STIM2: variants seen among roughly 807,000 people sequenced by gnomAD.
STIM2 encodes stromal interaction molecule 2.
In STIM2, 31 loss-of-function variants were observed where a neutral mutation model predicts 85.8. The ratio of observed to expected loss-of-function variants is 0.36; its 90% CI spans 0.27 to 0.49. The LOEUF (loss-of-function observed/expected upper bound fraction) is 0.49, where lower values mean the gene tolerates loss of function less well. STIM2 is among the 20% of genes least tolerant of loss of function. STIM2 has a pLI of 0.98. For synonymous variants in STIM2, 356 were observed against 331.1 expected, an observed-to-expected ratio of 1.08 and a Z score of -0.82; for missense variants, 841 against 927.6, an observed-to-expected ratio of 0.91 and a Z score of 1.21.
chr4:27,016,034 T>TTA (rs1728721477), intron 10 of STIM2, among the ~76,000 whole-genome samples: 1 of 152,108 alleles, frequency 6.6e-6, no homozygotes, highest in African/African-American at 2.4e-5. Context: ...TATGCTGCAT[T>TTA]TAGAGACATT....
intron 3 of STIM2, among the ~76,000 whole-genome samples, chr4:26,960,110 C>T (rs1050038738): frequency 6.6e-6 from 1 of 152,172 alleles, no homozygotes; most frequent in African/African-American, 2.4e-5. Context: ...AACATTCAGG[C>T]TCCAGGAGGA....
At chr4:27,009,080 A>G (rs1728472155) in intron 10 of STIM2, 78 bp downstream of exon 10, 4 of 1,269,014 alleles carry the variant, frequency 3.2e-6, no homozygotes, top group Non-Finnish European at 4.4e-6. Context: ...GGAATCATGT[A>G]CTTCGAAATC....
intron 1 of STIM2, among the ~76,000 whole-genome samples, chr4:26,903,128 A>G (rs146463230): frequency 2.0e-5 from 3 of 152,200 alleles, no homozygotes; most frequent in African/African-American, 7.2e-5. Context: ...CTTGTAAAAA[A>G]GTTTTTTTTG....
chr4:26,880,048 C>T (rs1331135378), intron 1 of STIM2, among the ~76,000 whole-genome samples: 3 of 152,176 alleles, frequency 2.0e-5, no homozygotes, highest in Non-Finnish European at 4.4e-5. Context: ...AATTTTCTCC[C>T]CCCGCTTTAG....
At chr4:26,950,726 A>G (rs958392558) in intron 2 of STIM2, among the ~76,000 whole-genome samples, 1 of 152,188 alleles carries the variant, frequency 6.6e-6, no homozygotes, top group African/African-American at 2.4e-5. Context: ...TAGCAGCACA[A>G]AATGGACTAA....
intron 1 of STIM2, among the ~76,000 whole-genome samples, chr4:26,913,883 A>C (rs1419311770): frequency 1.3e-5 from 2 of 152,220 alleles, no homozygotes; most frequent in Non-Finnish European, 2.9e-5. Flanking sequence ...CGGGAGAGTT[A>C]GTAAGCAAAC....
intron 1 of STIM2, among the ~76,000 whole-genome samples, chr4:26,902,897 G>T (rs992900002): frequency 6.6e-6 from 1 of 152,098 alleles, no homozygotes; most frequent in Admixed American, 6.6e-5. Flanking sequence ...ATAAAAGTTT[G>T]TGATAGTATG....
At chr4:26,984,082 A>C (rs1035428710) in intron 3 of STIM2, among the ~76,000 whole-genome samples, 1 of 152,208 alleles carries the variant, frequency 6.6e-6, no homozygotes, top group Non-Finnish European at 1.5e-5. Context: ...GCTTAGTCAC[A>C]CTTTTGAAAG....
At chr4:27,008,364 A>C (rs563574619) in intron 8 of STIM2, 64 bp from the exon 9 acceptor site, 1 of 953,880 alleles carries the variant, frequency 1.0e-6, no homozygotes, top group Non-Finnish European at 1.6e-6. Flanking sequence ...TTATTATGTT[A>C]TATATACAAA....
chr4:26,899,213 C>T (rs929728844), intron 1 of STIM2, among the ~76,000 whole-genome samples: 2 of 151,918 alleles, frequency 1.3e-5, no homozygotes, highest in Admixed American at 1.3e-4. Context: ...CTACCTTTAA[C>T]CTGTTAATGT....
chr4:26,994,104 C>A (rs995740387), intron 3 of STIM2, among the ~76,000 whole-genome samples: 1 of 152,042 alleles, frequency 6.6e-6, no homozygotes, highest in Non-Finnish European at 1.5e-5. Flanking sequence ...GTCTAAAGAT[C>A]ATCTGTATGT....
intron 3 of STIM2, among the ~76,000 whole-genome samples, chr4:26,987,389 G>A (rs557072147): frequency 3.8e-4 from 58 of 152,304 alleles, no homozygotes; most frequent in African/African-American, 1.3e-3. Context: ...TGTAGAAATT[G>A]CCCTTTTGAT....
At chr4:26,928,690 G>T (rs555344701) in intron 2 of STIM2, among the ~76,000 whole-genome samples, 1 of 152,110 alleles carries the variant, frequency 6.6e-6, no homozygotes, top group Non-Finnish European at 1.5e-5. Flanking sequence ...ATGCACATGT[G>T]CAAAGTGTTA....
chr4:26,872,140 G>T (rs1722643296), intron 1 of STIM2, among the ~76,000 whole-genome samples: 1 of 152,120 alleles, frequency 6.6e-6, no homozygotes, highest in Admixed American at 6.5e-5. Context: ...TTGATTTATT[G>T]AGTGTTATTA....
chr4:26,951,058 A>T (rs1296555596), intron 2 of STIM2, among the ~76,000 whole-genome samples: 2 of 152,120 alleles, frequency 1.3e-5, no homozygotes, highest in African/African-American at 4.8e-5. Flanking sequence ...GGGTAAACGG[A>T]TATACCTGCT....
chr4:26,946,578 G>T (rs575506876), intron 2 of STIM2, among the ~76,000 whole-genome samples: 66 of 152,342 alleles, frequency 4.3e-4, no homozygotes, highest in African/African-American at 1.5e-3. Context: ...GCACGCATGC[G>T]TGCACACATG....
At position 27,022,972 on chromosome 4, in the gene STIM2, C is replaced by G. The variant is rs769201706; in HGVS notation, c.2217C>G (p.Ser739Arg). The G allele has an allele frequency of 1.2e-5, 19 of 1,612,730 alleles. No individual in the cohort carries two copies. Among genetic ancestry groups the G allele is most frequent in the East Asian group, 1.1e-4 (5 of 44,892 alleles). ...GCAAAAAGCCATCAAAAATCAAAAG[C>G]CTTTTTAAGAAGAAATCTAAGTGAA... The change falls in exon 12 of 12, where the codon AGC becomes AGG. Residue 739 changes from serine to arginine, a missense_variant. Ser to Arg is a moderately radical substitution (Grantham distance 110). Around this residue, in one of 3 missense-constraint regions of STIM2, gnomAD observed 293 missense variants for 284.5 expected, o/e 1.03. Transcript: ENST00000467087.
At position 27,022,864 on chromosome 4, in the gene STIM2, C is replaced by T. The variant is rs373113749; in HGVS notation, c.2109C>T (p.Asn703=). The change falls in exon 12 of 12, where the codon AAC becomes AAT. Residue 703 remains asparagine (N), a synonymous_variant. Coordinates refer to ENST00000467087, the MANE Select transcript of STIM2 (RefSeq NM_020860.4). ...ACACATCATGTTCCTCAGCTGGCAA[C>T]GACAGTAAACCAGTTCAGGAAGCCC... 2.2e-5 allele frequency: 35 copies of T among 1,614,064 alleles called. No homozygotes were observed. Among genetic ancestry groups the T allele is most frequent in the Middle Eastern group, 1.6e-4 (1 of 6,084 alleles).
chr4:26,984,994 G>T (rs968835167), intron 3 of STIM2, among the ~76,000 whole-genome samples: 1 of 152,078 alleles, frequency 6.6e-6, no homozygotes, highest in African/African-American at 2.4e-5. Context: ...TCAAGTTCAG[G>T]GTGTTGCTTT....
Sources: gnomAD v4.1 joint callset for allele counts (sites outside exome capture counted in the v4.1 genomes callset) on GRCh38, gnomAD v4.1.1 for gene constraint, gnomAD v4.1.1 regional missense constraint, MANE v1.5 for transcripts, NCBI Gene and HGNC (gene_info 2026-07-23, HGNC 2026-07-21) for gene names.